HGF: variants seen among roughly 807,000 people sequenced by gnomAD.
The protein encoded by HGF is hepatocyte growth factor, also known as fibroblast-derived tumor cytotoxic factor.
In HGF, 39 loss-of-function variants were observed where a neutral mutation model predicts 111.6. The observed-to-expected ratio is 0.35, with a 90% CI of 0.27 to 0.46. The LOEUF is 0.46. Among genes scored for constraint, HGF ranks in the 20% least tolerant of loss-of-function variants. The probability of loss-of-function intolerance (pLI) is 1.00; values close to 1 mark genes in which losing one functional copy is unlikely to be tolerated. For synonymous variants in HGF, 285 were observed against 294.8 expected, an observed-to-expected ratio of 0.97 and a Z score of 0.34; for missense variants, 735 against 910.5, an observed-to-expected ratio of 0.81 and a Z score of 2.48.
intron 5 of HGF, among the ~76,000 whole-genome samples, chr7:81,747,478 T>C (rs1037497858): frequency 1.3e-5 from 2 of 152,200 alleles, no homozygotes; most frequent in Non-Finnish European, 2.9e-5. Context: ...AGCATAAGTA[T>C]ACTATGTTGA....
At chr7:81,751,868 T>C in intron 5 of HGF, 1 of 1,319,196 alleles carries the variant, frequency 7.6e-7, no homozygotes, top group Non-Finnish European at 9.7e-7. Flanking sequence ...CTCTTTCACT[T>C]TCCCCAGAGG....
At chr7:81,715,664 C>T (rs1789691961) in intron 11 of HGF, among the ~76,000 whole-genome samples, 1 of 151,970 alleles carries the variant, frequency 6.6e-6, no homozygotes, top group East Asian at 1.9e-4. Flanking sequence ...AAAAGTTTGC[C>T]TTTAATGCTA....
rs1459963778 is a variant in HGF at position 81,702,675 on chromosome 7, G to A, written c.2093C>T (p.Ala698Val). The stretch of plus-strand genomic sequence containing the variant: ...AAAAATACCAGGACGATTTGGAATG[G>A]CACATCCACGACCAGGAACAATGAC... The part of the protein sequence containing the change: ...LGVIVPGRGC[A>V]IPNRPGIFVR... The change falls in exon 18 of 18, where the codon GCC (alanine) becomes GTC (valine). Residue 698 changes from alanine (A) to valine (V), a missense_variant. Coordinates refer to ENST00000222390, the MANE Select transcript of HGF (RefSeq NM_000601.6). 1 of 1,611,222 alleles carries A rather than the reference G, an allele frequency of 6.2e-7. No homozygotes were observed. The highest frequency in any genetic ancestry group is 1.3e-5 in the African/African-American group (1 of 74,700).
At chr7:81,764,825 A>C (rs533311371) in intron 1 of HGF, among the ~76,000 whole-genome samples, 1 of 152,116 alleles carries the variant, frequency 6.6e-6, no homozygotes, top group African/African-American at 2.4e-5. Flanking sequence ...ATAGGAGATA[A>C]GTTTTTCCAT....
At chr7:81,704,203 A>G (rs1397010954) in intron 17 of HGF, among the ~76,000 whole-genome samples, 1 of 151,800 alleles carries the variant, frequency 6.6e-6, no homozygotes, top group African/African-American at 2.4e-5. Context: ...TATATAGTAT[A>G]CAGATATGAA....
intron 5 of HGF, among the ~76,000 whole-genome samples, chr7:81,749,627 ATAT>A (rs1176506675): frequency 7.9e-5 from 12 of 152,150 alleles, no homozygotes; most frequent in African/African-American, 2.4e-4. Context: ...GTACAATATA[ATAT>A]TATTATCTAT....
chr7:81,711,841 G>A (rs1008005704), intron 11 of HGF, among the ~76,000 whole-genome samples: 10 of 151,844 alleles, frequency 6.6e-5, no homozygotes, highest in Non-Finnish European at 2.9e-5. Context: ...ACGGGATTTC[G>A]CCATGTGGGC....
In HGF at chr7:81,757,270, C is replaced by T. The variant is rs750282888; in HGVS notation, c.401G>A (p.Arg134His). 16 of 1,604,962 alleles carry T rather than the reference C, an allele frequency of 1.0e-5. No individual in the cohort carries two copies. The highest frequency in any genetic ancestry group is 4.4e-5 in the South Asian group (4 of 90,898). The change falls in exon 4 of 18, where the codon CGC (arginine) becomes CAC (histidine). Residue 134 changes from arginine (R) to histidine (H), a missense_variant. Arg to His is a conservative substitution (Grantham distance 29). This residue lies in a region of HGF where 553 missense variants were observed against 685.6 expected (regional missense o/e 0.81). Transcript: ENST00000222390. ...GATAGATACTGTTCCCTTGTAGCTG[C>T]GTCCTTTACCAATGATGCAGTTTCT... ...YIRNCIIGKG[R>H]SYKGTVSITK...
chr7:81,708,922 T>C (rs544044225), intron 13 of HGF, among the ~76,000 whole-genome samples: 1 of 152,248 alleles, frequency 6.6e-6, no homozygotes, highest in East Asian at 1.9e-4. Context: ...TTATAAAATC[T>C]GATAAGCCAT....
intron 13 of HGF, 53 bp downstream of exon 13, chr7:81,710,094 G>T: frequency 1.7e-6 from 2 of 1,199,834 alleles, no homozygotes; most frequent in South Asian, 1.2e-5. Context: ...CTGGGAATAG[G>T]ACTCTCTTGT....
intron 8 of HGF, among the ~76,000 whole-genome samples, chr7:81,728,094 A>T (rs969236945): frequency 4.6e-5 from 7 of 152,202 alleles, no homozygotes; most frequent in African/African-American, 1.4e-4. Flanking sequence ...TTTAATAGAG[A>T]CACGTGACCA....
At chr7:81,709,308 A>G (rs1789510883) in intron 13 of HGF, among the ~76,000 whole-genome samples, 1 of 152,146 alleles carries the variant, frequency 6.6e-6, no homozygotes, top group African/African-American at 2.4e-5. Flanking sequence ...TATCTAGAAA[A>G]CAAGAGACAA....
rs775857995 is a variant in HGF, at chr7:81,710,180, G to C, written c.1508C>G (p.Thr503Arg). The part of the protein sequence containing the change: ...LRVVNGIPTR[T>R]NIGWMVSLRY... ...CAAACTAACCATCCATCCTATGTTT[G>C]TTCGTGTTGGAATCCCATTTACAAC... Residue 503 changes from threonine to arginine, a missense_variant, in exon 13 of 18, where the codon ACA becomes AGA. Around this residue, in one of 3 missense-constraint regions of HGF, gnomAD observed 553 missense variants for 685.6 expected, o/e 0.81. Transcript: ENST00000222390. 21 of 1,612,808 alleles carry C rather than the reference G, an allele frequency of 1.3e-5. No homozygotes were observed. In the South Asian group the frequency reaches 2.3e-4, roughly 18 times the overall value.
At chr7:81,750,745 G>T (rs895020786) in intron 5 of HGF, 1 of 171,162 alleles carries the variant, frequency 5.8e-6, no homozygotes, top group Non-Finnish European at 1.2e-5. Context: ...ACGTTTTCAG[G>T]TCAAACAAAA....
At chr7:81,769,590 A>C (rs192600922) in intron 1 of HGF, among the ~76,000 whole-genome samples, 10 of 152,310 alleles carry the variant, frequency 6.6e-5, no homozygotes, top group Admixed American at 6.5e-4. Context: ...AGCCAGTATT[A>C]GCACTTCCTC....
At chr7:81,743,910 G>A (rs1293412673) in intron 6 of HGF, among the ~76,000 whole-genome samples, 1 of 152,096 alleles carries the variant, frequency 6.6e-6, no homozygotes, top group East Asian at 1.9e-4. Flanking sequence ...GCCCTTCGAG[G>A]TCATGCCCTC....
At chr7:81,752,490 A>T (rs1292750101) in intron 4 of HGF, among the ~76,000 whole-genome samples, 2 of 152,104 alleles carry the variant, frequency 1.3e-5, no homozygotes. Context: ...CAAGTTAGAA[A>T]GATGAGCCTG....
At chr7:81,705,831 G>A (rs1281195869) in intron 15 of HGF, 78 bp from the exon 16 acceptor site, 5 of 758,836 alleles carry the variant, frequency 6.6e-6, no homozygotes, top group Non-Finnish European at 9.1e-6. Flanking sequence ...TAGTGTTCAT[G>A]TTTAATATGG....
intron 11 of HGF, among the ~76,000 whole-genome samples, chr7:81,714,047 C>T (rs1379764011): frequency 6.7e-6 from 1 of 150,122 alleles, no homozygotes; most frequent in Admixed American, 6.7e-5. Flanking sequence ...CAGAACCAAA[C>T]ATGGACTTTT....
Sources: gnomAD v4.1 joint callset for allele counts (sites outside exome capture counted in the v4.1 genomes callset) on GRCh38, gnomAD v4.1.1 for gene constraint, gnomAD v4.1.1 regional missense constraint, MANE v1.5 for transcripts, NCBI Gene and HGNC (gene_info 2026-07-23, HGNC 2026-07-21) for gene names.